Variants in INPP4A observed in about 807,000 individuals in gnomAD.
INPP4A encodes the protein inositol polyphosphate-4-phosphatase type I A, also known as inositol polyphosphate-4-phosphatase, type I, 107kD.
In INPP4A, 33 loss-of-function variants were observed where a neutral mutation model predicts 119.8. That is an observed-to-expected ratio of 0.28 (90% CI 0.21 to 0.37). The LOEUF is 0.37. Among genes scored for constraint, INPP4A ranks in the 10% least tolerant of loss-of-function variants. The pLI, the probability that INPP4A is intolerant of heterozygous loss-of-function variation, is 1.00. For missense variants in INPP4A, 956 were observed against 1,289.9 expected, an observed-to-expected ratio of 0.74 and a Z score of 3.97; for synonymous variants, 496 against 500.7, an observed-to-expected ratio of 0.99 and a Z score of 0.12.
At chr2:98,585,666 A>T (rs1257775759) in intron 24 of INPP4A, among the ~76,000 whole-genome samples, 2 of 152,232 alleles carry the variant, frequency 1.3e-5, no homozygotes, top group Admixed American at 1.3e-4. Context: ...CGGCATGTGG[A>T]TCAGCCACAT....
At chr2:98,581,855 C>T (rs1385966608) in intron 24 of INPP4A, 30 of 1,458,880 alleles carry the variant, frequency 2.1e-5, no homozygotes, top group East Asian at 7.8e-5. Flanking sequence ...TGTGTCAAAC[C>T]GTGGTCTGCC....
At chr2:98,538,702 C>T (rs1690797269) in intron 8 of INPP4A, among the ~76,000 whole-genome samples, 189 bp from the exon 9 acceptor site, 1 of 152,194 alleles carries the variant, frequency 6.6e-6, no homozygotes, top group Non-Finnish European at 1.5e-5. Context: ...ATTGTGTGCG[C>T]ATGAAGTGAT....
In INPP4A at chr2:98,546,557, G is replaced by A; in HGVS notation, c.1055-29G>A. The A allele has an allele frequency of 1.3e-6, 2 of 1,540,346 alleles. No individual in the cohort carries two copies. Among genetic ancestry groups the A allele is most frequent in the Non-Finnish European group, 9.0e-7 (1 of 1,113,554 alleles). The stretch of plus-strand genomic sequence containing the variant: ...GCTTGTCCACAGGCCTGAGCCCAGA[G>A]TAATGGAGGAGAGCTTTCTGTCATT... On this transcript the variant is annotated intron_variant, in intron 12 of 24. Coordinates refer to ENST00000409851, the MANE Select transcript of INPP4A (RefSeq NM_001134225.2). The surrounding 1 kb of genome is among the most constrained non-coding windows in gnomAD (Gnocchi z 4.2).
rs984859517 is a variant in INPP4A at position 98,594,202 on chromosome 2, A to T, written c.*6594A>T. Reference sequence around the variant, plus strand: ...GGTCAAAGGAGAAGGCAAATGGCAGAGTGTGGTAAAGGGGCGAGTGAGAGG... The same window carrying T: ...GGTCAAAGGAGAAGGCAAATGGCAGTGTGTGGTAAAGGGGCGAGTGAGAGG... On this transcript the variant is annotated 3_prime_UTR_variant, in exon 25 of 25. Transcript: ENST00000409851. 1.3e-5 allele frequency: 2 copies of T among 152,220 alleles called. No homozygotes were observed. The highest frequency in any genetic ancestry group is 4.8e-5 in the African/African-American group (2 of 41,452). 9.4% of individuals were successfully genotyped at this position (152,220 alleles called of 1,614,324 possible). A position where few individuals can be genotyped will look rare whatever the true frequency, so the allele number is the denominator to read the frequency against.
chr2:98,555,697 C>A lies in INPP4A; in HGVS notation c.1711C>A (p.Pro571Thr). Reference protein sequence around the residue: ...AGSCTSKKGNPDSHAYWIRPE... With the variant: ...AGSCTSKKGNTDSHAYWIRPE... ...CAGCTGCACCAGCAAGAAAGGTAAC[C>A]CGGACAGCCACGCCTACTGGATCAG... Residue 571 changes from proline to threonine, a missense_variant, in exon 16 of 25, where the codon CCG (proline) becomes ACG (threonine). Around this residue, in one of 2 missense-constraint regions of INPP4A, gnomAD observed 652 missense variants for 797.9 expected, o/e 0.82. Transcript: ENST00000409851. The A allele has an allele frequency of 6.2e-7, 1 of 1,613,598 alleles. No homozygotes were observed. The highest frequency in any genetic ancestry group is 8.5e-7 in the Non-Finnish European group (1 of 1,179,694).
At chr2:98,527,118 C>T (rs567625933) in intron 4 of INPP4A, among the ~76,000 whole-genome samples, 4 of 152,300 alleles carry the variant, frequency 2.6e-5, no homozygotes, top group Admixed American at 2.0e-4. Flanking sequence ...TGCCCTGTTG[C>T]TATCGTCCTC....
At chr2:98,564,813 C>T in intron 19 of INPP4A, 50 bp downstream of exon 19, 1 of 1,517,706 alleles carries the variant, frequency 6.6e-7, no homozygotes, top group East Asian at 2.4e-5. Flanking sequence ...GTGTGGTTTC[C>T]ATCCTTTCTT....
At chr2:98,536,782 A>C (rs1690367692) in intron 7 of INPP4A, among the ~76,000 whole-genome samples, 1 of 152,224 alleles carries the variant, frequency 6.6e-6, no homozygotes, top group Non-Finnish European at 1.5e-5. Flanking sequence ...AAAGTAATCT[A>C]GAGTAGCAAG....
chr2:98,559,370 C>T, intron 16 of INPP4A, 93 bp from the exon 17 acceptor site: 2 of 1,431,780 alleles, frequency 1.4e-6, no homozygotes, highest in Non-Finnish European at 2.0e-6. Context: ...TTACTGCAAG[C>T]TGCTGACGCA....
At chr2:98,571,034 T>C (rs1697347927) in intron 22 of INPP4A, among the ~76,000 whole-genome samples, 1 of 152,114 alleles carries the variant, frequency 6.6e-6, no homozygotes, top group Admixed American at 6.5e-5. Flanking sequence ...AAACATAGCA[T>C]GAAGTCAAGG....
At chr2:98,469,638 A>T (rs190771569) in intron 1 of INPP4A, among the ~76,000 whole-genome samples, 2 of 151,998 alleles carry the variant, frequency 1.3e-5, no homozygotes, top group Admixed American at 1.3e-4. Context: ...CCCTGTCTCT[A>T]CTAAAAATAC....
At position 98,544,003 on chromosome 2, in the gene INPP4A, C is replaced by T; in HGVS notation, c.945C>T (p.Tyr315=). 3.9e-6 allele frequency: 6 copies of T among 1,558,146 alleles called. No individual in the cohort carries two copies. The highest frequency in any genetic ancestry group is 5.2e-6 in the Non-Finnish European group (6 of 1,150,350). The change falls in exon 11 of 25, where the codon TAC becomes TAT. Residue 315 remains tyrosine (Y), a synonymous_variant. Coordinates refer to ENST00000409851, the MANE Select transcript of INPP4A (RefSeq NM_001134225.2). ...YQENLTDLHQ[Y]RGPSFKASSL... ...AGAACCTGACCGACCTCCATCAGTA[C>T]AGAGGTGGGTGCACCCCCATGCTGT... is the stretch of plus-strand genomic sequence containing the variant.
chr2:98,469,145 C>G (rs183861355), intron 1 of INPP4A, among the ~76,000 whole-genome samples: 1 of 152,274 alleles, frequency 6.6e-6, no homozygotes, highest in South Asian at 2.1e-4. Context: ...TGCCACCTTT[C>G]CCATGAGGTG....
chr2:98,472,114 T>G (rs75572732), intron 1 of INPP4A, among the ~76,000 whole-genome samples: 1,859 of 152,332 alleles, frequency 0.012, 16 homozygotes, highest in Middle Eastern at 0.027. Context: ...TCTCGTTCTC[T>G]CCTGTGGCTG....
At chr2:98,536,002 T>C in intron 6 of INPP4A, 127 bp from the exon 7 acceptor site, 3 of 722,830 alleles carry the variant, frequency 4.2e-6, no homozygotes, top group Non-Finnish European at 7.2e-6. Flanking sequence ...AGCTTTCCCA[T>C]TGGGCTTCTG....
At chr2:98,525,765 A>G (rs1048202748) in intron 4 of INPP4A, among the ~76,000 whole-genome samples, 4 of 152,258 alleles carry the variant, frequency 2.6e-5, no homozygotes, top group African/African-American at 9.6e-5. Flanking sequence ...GCTTAACAGC[A>G]TAAGTCATCA....
chr2:98,578,252 G>A (rs1433208866), intron 24 of INPP4A, among the ~76,000 whole-genome samples: 1 of 152,210 alleles, frequency 6.6e-6, no homozygotes, highest in Non-Finnish European at 1.5e-5. Flanking sequence ...ATTCAGGCCT[G>A]ATGTCCAGTG....
rs1216386191 is a variant in INPP4A at position 98,590,273 on chromosome 2, A to G, written c.*2665A>G. On this transcript the variant is annotated 3_prime_UTR_variant, in exon 25 of 25. Coordinates refer to ENST00000409851, the MANE Select transcript of INPP4A (RefSeq NM_001134225.2). Reference sequence around the variant, plus strand: ...CTCGGGTGCTGAATACATGTTTGTAAACATGGGACCATGGGAGACTTCCAT... The same window carrying G: ...CTCGGGTGCTGAATACATGTTTGTAGACATGGGACCATGGGAGACTTCCAT... 1 of 199,900 alleles carries G rather than the reference A, an allele frequency of 5.0e-6. No individual in the cohort carries two copies. Among genetic ancestry groups the G allele is most frequent in the Non-Finnish European group, 1.0e-5 (1 of 96,900 alleles). The allele number at this position is 199,900 out of a possible 1,614,324, so 12.4% of individuals were successfully genotyped here.
At chr2:98,445,335 G>A (rs1322461794) in intron 1 of INPP4A, among the ~76,000 whole-genome samples, 1 of 152,212 alleles carries the variant, frequency 6.6e-6, no homozygotes, top group Admixed American at 6.5e-5. Flanking sequence ...GGAGCCGGGT[G>A]CCGAGCGGGC....
Sources: gnomAD v4.1 joint callset for allele counts (sites outside exome capture counted in the v4.1 genomes callset) on GRCh38, gnomAD v4.1.1 for gene constraint, gnomAD v4.1.1 regional missense constraint, Gnocchi (gnomAD v3.1) non-coding constraint, MANE v1.5 for transcripts, NCBI Gene and HGNC (gene_info 2026-07-23, HGNC 2026-07-21) for gene names.